Variants in MALRD1 observed in about 807,000 individuals in gnomAD.
MALRD1 encodes the protein MAM and LDL receptor class A domain containing 1, also known as MAM and LDL-receptor class A domain-containing protein 1.
In MALRD1, 247 loss-of-function variants were observed where a neutral mutation model predicts 242.1. That is an observed-to-expected ratio of 1.02 (90% CI 0.92 to 1.13). The LOEUF is 1.13. Ranked by LOEUF, MALRD1 falls within the 50% of genes most tolerant of loss-of-function variation. The pLI is 0.00. For synonymous variants in MALRD1, 995 were observed against 866.6 expected (o/e 1.15, Z -2.60); for missense variants, 2,989 against 2,533.1 (o/e 1.18, Z -3.86).
intron 29 of MALRD1, among the ~76,000 whole-genome samples, chr10:19,459,927 C>T (rs553153606): frequency 3.7e-4 from 56 of 151,884 alleles, no homozygotes; most frequent in African/African-American, 1.2e-3. Context: ...TGAAATATCC[C>T]TAGGTTCAAA....
chr10:19,163,283 G>C (rs1834521056), intron 12 of MALRD1, among the ~76,000 whole-genome samples: 1 of 151,308 alleles, frequency 6.6e-6, no homozygotes, highest in Non-Finnish European at 1.5e-5. Context: ...ATTGGTTAAA[G>C]AAAGAGTGGT....
chr10:19,561,954 T>G (rs1470415439), intron 32 of MALRD1, among the ~76,000 whole-genome samples: 1 of 152,092 alleles, frequency 6.6e-6, no homozygotes. Flanking sequence ...AATAGCTATT[T>G]CCCCTCTCCT....
chr10:19,088,771 A>G (rs1237032183), intron 4 of MALRD1, among the ~76,000 whole-genome samples: 1 of 73,892 alleles, frequency 1.4e-5, no homozygotes, highest in Non-Finnish European at 2.6e-5. Flanking sequence ...AGAGTGTGAT[A>G]TTCCCCTTCC....
chr10:19,292,892 CA>C (rs57002523), intron 21 of MALRD1, among the ~76,000 whole-genome samples: 11,597 of 72,642 alleles, frequency 0.16, 288 homozygotes, highest in East Asian at 0.21. Context: ...GACTCTGCCT[CA>C]AAAAAAAAAA....
chr10:19,715,186 A>G (rs1159388771), intron 38 of MALRD1, among the ~76,000 whole-genome samples: 4 of 152,038 alleles, frequency 2.6e-5, no homozygotes, highest in African/African-American at 9.7e-5. Context: ...ATTCTCAAAC[A>G]TTTTGGTCTC....
At chr10:19,431,526 C>T (rs1266121715) in intron 28 of MALRD1, among the ~76,000 whole-genome samples, 2 of 151,990 alleles carry the variant, frequency 1.3e-5, no homozygotes, top group Non-Finnish European at 2.9e-5. Flanking sequence ...TTTTTATGTA[C>T]TGTTAGATAG....
At chr10:19,058,593 C>T (rs1278723071) in intron 1 of MALRD1, among the ~76,000 whole-genome samples, 1 of 151,960 alleles carries the variant, frequency 6.6e-6, no homozygotes, top group Admixed American at 6.6e-5. Flanking sequence ...TTCAGTATAT[C>T]AAAACATTGC....
Position 19,455,316 on chromosome 10 carries a change from C to T in MALRD1, c.5029+4826C>T, listed in dbSNP as rs111977155. On this transcript the variant is annotated intron_variant, in intron 29 of 39. Transcript: ENST00000454679. ...TTAAATGACTTCTGAAATTTCAGAA[C>T]GTTACTTAAAGTACAATCATTTCTT... Among the ~76,000 whole-genome samples the T allele has an allele frequency of 6.0e-3, 913 of 152,226 alleles. 8 individuals carry two copies. Among genetic ancestry groups the T allele is most frequent in the African/African-American group, 0.02 (823 of 41,550 alleles).
chr10:19,255,567 A>T (rs888715626), intron 18 of MALRD1, among the ~76,000 whole-genome samples: 1 of 152,074 alleles, frequency 6.6e-6, no homozygotes, highest in Non-Finnish European at 1.5e-5. Flanking sequence ...TCTTTTAAAA[A>T]TGCTTTTCTT....
chr10:19,545,959 A>G (rs1013793023), intron 32 of MALRD1, among the ~76,000 whole-genome samples: 11 of 152,116 alleles, frequency 7.2e-5, no homozygotes, highest in Admixed American at 1.3e-4. Context: ...AGAACTGTGA[A>G]TGCTTCCCCC....
chr10:19,325,881 C>T (rs906384702), intron 22 of MALRD1, among the ~76,000 whole-genome samples: 1 of 152,006 alleles, frequency 6.6e-6, no homozygotes, highest in Admixed American at 6.6e-5. Flanking sequence ...ATACGTTTTC[C>T]GAAAGGTTGA....
chr10:19,120,703 C>G (rs1564404392), intron 5 of MALRD1, among the ~76,000 whole-genome samples: 1 of 152,246 alleles, frequency 6.6e-6, no homozygotes, highest in East Asian at 1.9e-4. Context: ...TTGATGATTG[C>G]ACAACATTTC....
chr10:19,120,811 C>G (rs1298435061), intron 5 of MALRD1, among the ~76,000 whole-genome samples: 5 of 152,194 alleles, frequency 3.3e-5, no homozygotes, highest in Non-Finnish European at 5.9e-5. Context: ...GTGGCACGAT[C>G]TCAGTTCACT....
At chr10:19,602,701 G>A (rs1223727278) in intron 34 of MALRD1, among the ~76,000 whole-genome samples, 3 of 152,024 alleles carry the variant, frequency 2.0e-5, no homozygotes, top group Non-Finnish European at 4.4e-5. Flanking sequence ...AATCCTTTGG[G>A]TATATACACA....
At chr10:19,356,667 T>C (rs1844650405) in intron 26 of MALRD1, among the ~76,000 whole-genome samples, 1 of 152,134 alleles carries the variant, frequency 6.6e-6, no homozygotes, top group Non-Finnish European at 1.5e-5. Context: ...TACTCATGGC[T>C]ATTGGTTACC....
At chr10:19,413,218 C>T (rs372991773) in intron 28 of MALRD1, among the ~76,000 whole-genome samples, 3 of 152,160 alleles carry the variant, frequency 2.0e-5, no homozygotes, top group East Asian at 3.9e-4. Context: ...CCCTTGATAA[C>T]GAAAAACTAC....
intron 38 of MALRD1, among the ~76,000 whole-genome samples, chr10:19,718,192 CGAAGAAGAAGAG>C (rs1387731721): frequency 6.8e-6 from 1 of 146,530 alleles, no homozygotes; most frequent in Non-Finnish European, 1.5e-5. Flanking sequence ...AAAAAGAAGA[CGAAGAAGAAGAG>C]GAAGAAGAAG....
chr10:19,436,722 T>C (rs1037440338), intron 28 of MALRD1, among the ~76,000 whole-genome samples: 1 of 152,206 alleles, frequency 6.6e-6, no homozygotes, highest in Non-Finnish European at 1.5e-5. Flanking sequence ...TTTGCATTGA[T>C]TGGTCAGATT....
chr10:19,195,834 G>A lies in MALRD1; in HGVS notation c.1952-7894G>A, dbSNP rs191502546. Among the ~76,000 whole-genome samples the A allele has an allele frequency of 2.8e-3, 422 of 151,818 alleles. 3 individuals are homozygous for A. The highest frequency in any genetic ancestry group is 9.7e-3 in the African/African-American group (402 of 41,384). ...GATTGCTGCCCTAAAGTGTGTTCTC[G>A]GTGCTACCCAGCAAGCACATGCAAT... On this transcript the variant is annotated intron_variant, in intron 14 of 39. Transcript: ENST00000454679.
Sources: gnomAD v4.1 joint callset for allele counts (sites outside exome capture counted in the v4.1 genomes callset) on GRCh38, gnomAD v4.1.1 for gene constraint, MANE v1.5 for transcripts, NCBI Gene and HGNC (gene_info 2026-07-23, HGNC 2026-07-21) for gene names.